MOSMO: variants seen among roughly 807,000 people sequenced by gnomAD.
MOSMO encodes modulator of smoothened protein.
In MOSMO, 5 loss-of-function variants were observed where a neutral mutation model predicts 18.4. The ratio of observed to expected loss-of-function variants is 0.27; its 90% CI spans 0.14 to 0.57. The LOEUF is 0.57. MOSMO is among the 20% of genes least tolerant of loss of function. The pLI, the probability that MOSMO is intolerant of heterozygous loss-of-function variation, is 0.92. For missense variants in MOSMO, 138 were observed against 211.8 expected, an observed-to-expected ratio of 0.65 and a Z score of 2.16; for synonymous variants, 82 against 82.3, an observed-to-expected ratio of 1.00 and a Z score of 0.02.
At chr16:22,071,087 G>C (rs1900841113) in intron 1 of MOSMO, among the ~76,000 whole-genome samples, 1 of 152,152 alleles carries the variant, frequency 6.6e-6, no homozygotes, top group Non-Finnish European at 1.5e-5. Flanking sequence ...TTGTGGTAGA[G>C]TATTTTTTGG....
chr16:22,023,350 G>A (rs764371513), intron 1 of MOSMO, among the ~76,000 whole-genome samples: 26 of 152,240 alleles, frequency 1.7e-4, no homozygotes, highest in Non-Finnish European at 2.6e-4. Context: ...AGCTATTATC[G>A]TGTAACCATT....
intron 1 of MOSMO, among the ~76,000 whole-genome samples, chr16:22,064,625 A>T (rs1353020774): frequency 1.3e-5 from 2 of 152,248 alleles, no homozygotes; most frequent in South Asian, 2.1e-4. Context: ...GCTTAAATTC[A>T]TACATGATTG....
chr16:22,023,017 G>C (rs759233469), intron 1 of MOSMO, among the ~76,000 whole-genome samples: 1 of 152,156 alleles, frequency 6.6e-6, no homozygotes, highest in Non-Finnish European at 1.5e-5. Flanking sequence ...TAGCCTACAA[G>C]ATAATTTATG....
chr16:22,019,861 T>C (rs1899717032), intron 1 of MOSMO, among the ~76,000 whole-genome samples: 2 of 152,162 alleles, frequency 1.3e-5, no homozygotes, highest in Admixed American at 1.3e-4. Context: ...GATACTTAAA[T>C]TGCTACATAT....
chr16:22,053,015 C>T (rs1472901532), intron 1 of MOSMO, among the ~76,000 whole-genome samples: 1 of 143,592 alleles, frequency 7.0e-6, no homozygotes, highest in African/African-American at 2.6e-5. Flanking sequence ...AGTACAGTGG[C>T]TTGATCTCTG....
Position 22,084,499 on chromosome 16 carries a change from A to T in MOSMO, c.*3619A>T, listed in dbSNP as rs955423548. 2 of 152,170 alleles carry T rather than the reference A, an allele frequency of 1.3e-5. No individual in the cohort carries two copies. Among genetic ancestry groups the T allele is most frequent in the African/African-American group, 4.8e-5 (2 of 41,462 alleles). The allele number at this position is 152,170 out of a possible 1,614,324, so 9.4% of individuals were successfully genotyped here. A position where few individuals can be genotyped will look rare whatever the true frequency, so the allele number is the denominator to read the frequency against. On this transcript the variant is annotated 3_prime_UTR_variant, in exon 3 of 3. Coordinates refer to ENST00000542527, the MANE Select transcript of MOSMO (RefSeq NM_001164579.2). ...TCTGTATATTATCCCAAACTTTATT[A>T]AGAATTGTTTTCTAATTGGTTATAA...
chr16:22,019,905 C>CT (rs200477458), intron 1 of MOSMO, among the ~76,000 whole-genome samples: 6 of 151,910 alleles, frequency 3.9e-5, no homozygotes, highest in Non-Finnish European at 7.4e-5. Flanking sequence ...ATTCAGGCTT[C>CT]TTTTTTTTAA....
At chr16:22,021,659 G>A (rs999435100) in intron 1 of MOSMO, among the ~76,000 whole-genome samples, 3 of 151,992 alleles carry the variant, frequency 2.0e-5, no homozygotes, top group South Asian at 2.1e-4. Context: ...TTAACCCGGC[G>A]TGATGGCGTG....
At chr16:22,058,429 A>C (rs1036528588) in intron 1 of MOSMO, among the ~76,000 whole-genome samples, 8 of 150,542 alleles carry the variant, frequency 5.3e-5, no homozygotes, top group South Asian at 4.2e-4. Context: ...CCGTCTCAAA[A>C]AAAAAAAAAA....
At chr16:22,022,188 T>C (rs1330747085) in intron 1 of MOSMO, among the ~76,000 whole-genome samples, 3 of 152,074 alleles carry the variant, frequency 2.0e-5, no homozygotes, top group African/African-American at 7.2e-5. Flanking sequence ...TATCACTTTT[T>C]TTTTTTTTCC....
chr16:22,063,343 C>T (rs530458744), intron 1 of MOSMO, among the ~76,000 whole-genome samples: 1 of 152,192 alleles, frequency 6.6e-6, no homozygotes, highest in African/African-American at 2.4e-5. Context: ...TGTTTAATAC[C>T]GGAATATCAA....
downstream of MOSMO, chr16:22,086,072 C>T (rs1254985030): frequency 6.6e-6 from 1 of 152,156 alleles, no homozygotes; most frequent in Non-Finnish European, 1.5e-5. Flanking sequence ...CAGCAGAGCA[C>T]TCGTCTTTGA....
chr16:22,026,520 G>A (rs1899880344), intron 1 of MOSMO, among the ~76,000 whole-genome samples: 1 of 152,116 alleles, frequency 6.6e-6, no homozygotes, highest in African/African-American at 2.4e-5. Context: ...CGCCCAGCCT[G>A]AGAATTGCAT....
At chr16:22,027,618 A>G (rs932010615) in intron 1 of MOSMO, among the ~76,000 whole-genome samples, 9 of 152,170 alleles carry the variant, frequency 5.9e-5, no homozygotes, top group Admixed American at 5.9e-4. Flanking sequence ...CTCCAGATTT[A>G]TGAGTGATAG....
At chr16:22,013,886 G>A (rs1279647784) in intron 1 of MOSMO, among the ~76,000 whole-genome samples, 1 of 151,372 alleles carries the variant, frequency 6.6e-6, no homozygotes, top group Non-Finnish European at 1.5e-5. Context: ...TGTTTGGGGG[G>A]GGGGAATCTC....
intron 1 of MOSMO, among the ~76,000 whole-genome samples, chr16:22,020,585 G>A (rs915917976): frequency 2.6e-5 from 4 of 152,014 alleles, no homozygotes; most frequent in African/African-American, 7.2e-5. Flanking sequence ...GTGAGCCACC[G>A]CGCCCAGCCC....
At position 22,020,217 on chromosome 16, in the gene MOSMO, A is replaced by G. The variant is rs569638040; in HGVS notation, c.106+11810A>G. On this transcript the variant is annotated intron_variant, in intron 1 of 2. Coordinates refer to ENST00000542527, the MANE Select transcript of MOSMO (RefSeq NM_001164579.2). ...AACAAGAGCGAAAACTCCATCTCCAAAAAAAAAAAAAGTATCAGTTGGTTT... is the reference window on the plus strand; with the variant it reads ...AACAAGAGCGAAAACTCCATCTCCAGAAAAAAAAAAAGTATCAGTTGGTTT... Among the ~76,000 whole-genome samples the G allele has an allele frequency of 4.1e-5, 6 of 146,612 alleles. No homozygotes were observed. In the East Asian group the frequency reaches 1.2e-3, roughly 29 times the overall value.
intron 1 of MOSMO, among the ~76,000 whole-genome samples, chr16:22,032,899 A>T (rs1485563094): frequency 6.6e-6 from 1 of 152,150 alleles, no homozygotes; most frequent in Non-Finnish European, 1.5e-5. Context: ...ATTCTTTTGC[A>T]TGTGAATATC....
chr16:22,043,230 T>C (rs766505957), intron 1 of MOSMO, among the ~76,000 whole-genome samples: 1 of 152,200 alleles, frequency 6.6e-6, no homozygotes, highest in African/African-American at 2.4e-5. Flanking sequence ...ATAGAAACTG[T>C]ATATTCTTCA....
Sources: allele counts gnomAD v4.1 joint callset (sites outside exome capture counted in the v4.1 genomes callset), GRCh38; gene constraint gnomAD v4.1.1; transcripts MANE v1.5; gene names NCBI Gene and HGNC (gene_info 2026-07-23, HGNC 2026-07-21).